Variants in GLI3 observed in about 807,000 individuals in gnomAD.
GLI3 encodes GLI family zinc finger 3.
GLI3 carries 20 observed loss-of-function variants against 100.8 expected under a neutral mutation model. The observed-to-expected ratio is 0.20, with a 90% CI of 0.14 to 0.29. GLI3 has a LOEUF of 0.29. Among genes scored for constraint, GLI3 ranks in the 10% least tolerant of loss-of-function variants. The probability of loss-of-function intolerance (pLI) is 1.00; values close to 1 mark genes in which losing one functional copy is unlikely to be tolerated. For synonymous variants in GLI3, 938 were observed against 860.5 expected, an observed-to-expected ratio of 1.09 and a Z score of -1.58; for missense variants, 2,040 against 2,128.5, an observed-to-expected ratio of 0.96 and a Z score of 0.82.
chr7:41,972,216 C>A lies in GLI3; in HGVS notation c.2103+121G>T. 1 of 927,430 alleles carries A rather than the reference C, an allele frequency of 1.1e-6. No individual in the cohort carries two copies. The highest frequency in any genetic ancestry group is 1.7e-5 in the Admixed American group (1 of 58,974). 57.5% of individuals were successfully genotyped at this position (927,430 alleles called of 1,614,324 possible). ...GCAATACGGGTCACTGCCCTCATCG[C>A]CTCCTCAGATCAGAGACAGCCTGAC... On this transcript the variant is annotated intron_variant, in intron 13 of 14. Transcript: ENST00000395925. The surrounding 1 kb of genome is among the most constrained non-coding windows in gnomAD (Gnocchi z 4.4).
At chr7:42,229,103 T>C (rs1200016954) in intron 1 of GLI3, among the ~76,000 whole-genome samples, 2 of 152,078 alleles carry the variant, frequency 1.3e-5, no homozygotes. Flanking sequence ...TTGAAGTGAA[T>C]AAAACAACTT....
intron 4 of GLI3, among the ~76,000 whole-genome samples, chr7:42,056,479 T>A (rs1282446614): frequency 6.6e-6 from 1 of 152,118 alleles, no homozygotes; most frequent in Non-Finnish European, 1.5e-5. Flanking sequence ...ATGATTTGAA[T>A]GAAAGTGGCC....
At chr7:42,182,670 A>G (rs868040614) in intron 2 of GLI3, among the ~76,000 whole-genome samples, 6 of 73,330 alleles carry the variant, frequency 8.2e-5, no homozygotes, top group South Asian at 4.6e-4. Context: ...ATATATATAT[A>G]TATATATATA....
chr7:42,136,841 G>A (rs1221121551), intron 3 of GLI3, among the ~76,000 whole-genome samples: 1 of 152,128 alleles, frequency 6.6e-6, no homozygotes, highest in African/African-American at 2.4e-5. Context: ...CACCACCTGG[G>A]TTCCAGGACA....
intron 2 of GLI3, among the ~76,000 whole-genome samples, chr7:42,150,658 T>C (rs142298239): frequency 3.1e-4 from 47 of 152,320 alleles, no homozygotes; most frequent in African/African-American, 1.1e-3. Flanking sequence ...CTGGGAAAGA[T>C]GAATAACCAA....
At chr7:42,141,961 GAGTCCCC>G (rs1786578386) in intron 3 of GLI3, among the ~76,000 whole-genome samples, 1 of 152,262 alleles carries the variant, frequency 6.6e-6, no homozygotes, top group African/African-American at 2.4e-5. Context: ...TGGCACGCAT[GAGTCCCC>G]AGTCCTACCC....
intron 11 of GLI3, chr7:41,978,066 A>T (rs1787557168): frequency 1.3e-5 from 5 of 397,222 alleles, no homozygotes; most frequent in Non-Finnish European, 1.9e-5. Context: ...GTGTCCATAC[A>T]AAGACATGGA....
intron 10 of GLI3, among the ~76,000 whole-genome samples, chr7:42,011,870 C>G (rs1788622096): frequency 6.6e-6 from 1 of 152,130 alleles, no homozygotes; most frequent in Non-Finnish European, 1.5e-5. Context: ...TGACTGCGCT[C>G]AATGCCACAC....
intron 2 of GLI3, among the ~76,000 whole-genome samples, chr7:42,194,561 C>T (rs776512622): frequency 1.3e-5 from 2 of 152,066 alleles, no homozygotes; most frequent in Non-Finnish European, 2.9e-5. Flanking sequence ...CTTAACCTGA[C>T]AAATTTGGGG....
At chr7:42,132,094 T>C (rs1786291393) in intron 3 of GLI3, among the ~76,000 whole-genome samples, 1 of 151,888 alleles carries the variant, frequency 6.6e-6, no homozygotes, top group Non-Finnish European at 1.5e-5. Context: ...TATTTATTTA[T>C]TTATTCATTT....
rs1361471195 is a variant in GLI3, at chr7:41,963,469, A to G, written c.*861T>C. 6.6e-6 allele frequency: 1 copy of G among 152,238 alleles called. No individual in the cohort carries two copies. The highest frequency in any genetic ancestry group is 6.5e-5 in the Admixed American group (1 of 15,288). The allele number at this position is 152,238 out of a possible 1,614,324, so 9.4% of individuals were successfully genotyped here. A position where few individuals can be genotyped will look rare whatever the true frequency, so the allele number is the denominator to read the frequency against. ...TATCTAACTTCTTACCAGAACAGAT[A>G]AAAGTAGCAATGTGGCTGAGTGTCA... On this transcript the variant is annotated 3_prime_UTR_variant, in exon 15 of 15. Coordinates refer to ENST00000395925, the MANE Select transcript of GLI3 (RefSeq NM_000168.6).
chr7:42,205,121 G>A (rs1023349754), intron 2 of GLI3, among the ~76,000 whole-genome samples: 2 of 152,138 alleles, frequency 1.3e-5, no homozygotes, highest in African/African-American at 4.8e-5. Context: ...ATCTTTGAAG[G>A]GATGTATAGC....
chr7:42,169,392 TTG>T (rs575800893), intron 2 of GLI3, among the ~76,000 whole-genome samples: 1,879 of 152,280 alleles, frequency 0.012, 23 homozygotes, highest in Non-Finnish European at 0.02. Flanking sequence ...TTGTATTTCA[TTG>T]TGTTATGAAA....
chr7:42,263,916 G>T (rs1171483104), intron 1 of GLI3, among the ~76,000 whole-genome samples: 7 of 152,146 alleles, frequency 4.6e-5, no homozygotes, highest in African/African-American at 1.7e-4. Context: ...CAGAATAGCT[G>T]AATAAAATGA....
chr7:41,997,998 G>A (rs1455530233), intron 10 of GLI3, among the ~76,000 whole-genome samples: 6 of 152,174 alleles, frequency 3.9e-5, no homozygotes, highest in East Asian at 1.9e-4. Flanking sequence ...CCTATATGCC[G>A]GCTGCACACT....
At chr7:42,192,303 A>G (rs1397671901) in intron 2 of GLI3, among the ~76,000 whole-genome samples, 1 of 152,182 alleles carries the variant, frequency 6.6e-6, no homozygotes, top group African/African-American at 2.4e-5. Context: ...GTCCTCTAAG[A>G]TGCTAGTCAC....
At chr7:42,107,612 A>G (rs1785606278) in intron 3 of GLI3, among the ~76,000 whole-genome samples, 1 of 152,236 alleles carries the variant, frequency 6.6e-6, no homozygotes, top group South Asian at 2.1e-4. Flanking sequence ...CAGATGAGAA[A>G]AGTGGAGGGA....
intron 1 of GLI3, among the ~76,000 whole-genome samples, chr7:42,253,805 A>C (rs1167570215): frequency 6.6e-6 from 1 of 152,186 alleles, no homozygotes; most frequent in Non-Finnish European, 1.5e-5. Flanking sequence ...AAGATCCTTG[A>C]GTTGAGCATC....
At chr7:42,088,622 T>C (rs1785153342) in intron 3 of GLI3, among the ~76,000 whole-genome samples, 1 of 152,156 alleles carries the variant, frequency 6.6e-6, no homozygotes, top group Non-Finnish European at 1.5e-5. Flanking sequence ...AGGCCACTCA[T>C]TGCCCACTCT....
Sources: allele counts gnomAD v4.1 joint callset (sites outside exome capture counted in the v4.1 genomes callset), GRCh38; gene constraint gnomAD v4.1.1; non-coding constraint Gnocchi (gnomAD v3.1); transcripts MANE v1.5; gene names NCBI Gene and HGNC (gene_info 2026-07-23, HGNC 2026-07-21).